DPF3: variants seen among roughly 807,000 people sequenced by gnomAD.
The protein encoded by DPF3 is zinc finger protein DPF3.
DPF3 carries 18 observed loss-of-function variants against 56.8 expected under a neutral mutation model. The observed-to-expected ratio is 0.32, with a 90% confidence interval of 0.22 to 0.47. The LOEUF (loss-of-function observed/expected upper bound fraction) is 0.47. Ranked by LOEUF, DPF3 falls within the 20% of genes least tolerant of loss-of-function variation. DPF3 has a pLI of 1.00. For missense variants in DPF3, 403 were observed against 488.8 expected (o/e 0.82, Z 1.65); for synonymous variants, 188 against 180.2 (o/e 1.04, Z -0.35).
intron 8 of DPF3, 31 bp from the exon 9 acceptor site, chr14:72,629,767 G>T: frequency 2.0e-6 from 3 of 1,491,180 alleles, no homozygotes; most frequent in Non-Finnish European, 2.7e-6. Flanking sequence ...CAGCATTAGG[G>T]CCAAAGTATG....
intron 1 of DPF3, among the ~76,000 whole-genome samples, chr14:72,820,163 A>G (rs1883469651): frequency 6.6e-6 from 1 of 152,358 alleles, no homozygotes; most frequent in East Asian, 1.9e-4. Context: ...AAATTATACC[A>G]TAGTTTTAAA....
chr14:72,800,613 C>T lies in DPF3; in HGVS notation c.33-28720G>A, dbSNP rs148289412. On this transcript the variant is annotated intron_variant, in intron 1 of 10. Coordinates refer to ENST00000556509, the MANE Select transcript of DPF3 (RefSeq NM_001280542.3). ...GGATGTGTGCATGAATGAATGCATG[C>T]ATGCACAGATGGATGCATGGATGCA... is the stretch of plus-strand genomic sequence containing the variant. Among the ~76,000 whole-genome samples, 519 of 148,342 alleles carry T rather than the reference C, an allele frequency of 3.5e-3. 7 individuals carry two copies. Among genetic ancestry groups the T allele is most frequent in the African/African-American group, 0.012 (477 of 39,876 alleles).
intron 4 of DPF3, among the ~76,000 whole-genome samples, chr14:72,724,599 G>C (rs1167300971): frequency 6.6e-6 from 1 of 152,082 alleles, no homozygotes; most frequent in Non-Finnish European, 1.5e-5. Flanking sequence ...GCTTAAGGGA[G>C]GGATAAAAGA....
chr14:72,861,737 G>GAAAGAGAAAGAA (rs1555513992), intron 1 of DPF3, among the ~76,000 whole-genome samples: 4 of 84,608 alleles, frequency 4.7e-5, no homozygotes, highest in East Asian at 3.4e-4. Flanking sequence ...AAGAAAGAAA[G>GAAAGAGAAAGAA]AGAAAGAAAG....
chr14:72,720,070 G>T (rs1264932466), intron 5 of DPF3, among the ~76,000 whole-genome samples: 1 of 151,818 alleles, frequency 6.6e-6, no homozygotes, highest in Non-Finnish European at 1.5e-5. Context: ...GCTCCCAGAT[G>T]ATATTAATGC....
intron 8 of DPF3, among the ~76,000 whole-genome samples, chr14:72,673,026 T>C (rs2153570608): frequency 6.6e-6 from 1 of 152,258 alleles, no homozygotes; most frequent in East Asian, 1.9e-4. Context: ...GGAAAGTAAA[T>C]GAACTGACAG....
At chr14:72,851,600 T>C (rs1395590443) in intron 1 of DPF3, among the ~76,000 whole-genome samples, 1 of 152,174 alleles carries the variant, frequency 6.6e-6, no homozygotes, top group Non-Finnish European at 1.5e-5. Flanking sequence ...TTATAACTAC[T>C]CTTGCTCCTA....
At chr14:72,873,115 T>C (rs1216593540) in intron 1 of DPF3, among the ~76,000 whole-genome samples, 1 of 152,028 alleles carries the variant, frequency 6.6e-6, no homozygotes, top group African/African-American at 2.4e-5. Flanking sequence ...CAAAAGAAAC[T>C]ACCATCAGAG....
intron 4 of DPF3, among the ~76,000 whole-genome samples, chr14:72,725,039 T>C (rs1309672654): frequency 6.6e-6 from 1 of 152,076 alleles, no homozygotes; most frequent in East Asian, 1.9e-4. Flanking sequence ...CTTTATGGGC[T>C]CACTGTGTGA....
rs1883744780 is a variant in DPF3, at chr14:72,611,809, A to AG, written c.*7487dup. Among the ~76,000 whole-genome samples the AG allele has an allele frequency of 6.6e-6, 1 of 152,124 alleles. No homozygotes were observed. The highest frequency in any genetic ancestry group is 1.5e-5 in the Non-Finnish European group (1 of 68,018). On this transcript the variant is annotated 3_prime_UTR_variant, in exon 11 of 11. Coordinates refer to ENST00000556509, the MANE Select transcript of DPF3 (RefSeq NM_001280542.3). ...CTTCCCCCGACCCCTCAGCCTCCAC[A>AG]GGGTAGAAATCACTGGATGCCTCCA... is the stretch of plus-strand genomic sequence containing the variant.
chr14:72,685,868 C>T (rs1011739399), intron 7 of DPF3, among the ~76,000 whole-genome samples: 13 of 152,212 alleles, frequency 8.5e-5, no homozygotes, highest in African/African-American at 9.6e-5. Flanking sequence ...CCAAGAGACA[C>T]GTGGAGCCCC....
At chr14:72,749,643 C>A (rs1365707651) in intron 3 of DPF3, among the ~76,000 whole-genome samples, 1 of 152,142 alleles carries the variant, frequency 6.6e-6, no homozygotes, top group African/African-American at 2.4e-5. Flanking sequence ...GTGGGAAGGA[C>A]CCGGTGGGAG....
chr14:72,870,724 C>T (rs1885865589), intron 1 of DPF3, among the ~76,000 whole-genome samples: 1 of 152,156 alleles, frequency 6.6e-6, no homozygotes, highest in African/African-American at 2.4e-5. Context: ...AAAATATTGG[C>T]TAGTGTGTCT....
At chr14:72,674,795 T>C (rs560102073) in intron 7 of DPF3, among the ~76,000 whole-genome samples, 3 of 152,324 alleles carry the variant, frequency 2.0e-5, no homozygotes, top group Non-Finnish European at 2.9e-5. Context: ...GACCTTGCCA[T>C]TGGGAACAGT....
chr14:72,778,577 T>G (rs1031343298), intron 1 of DPF3, among the ~76,000 whole-genome samples: 2 of 152,192 alleles, frequency 1.3e-5, no homozygotes, highest in African/African-American at 4.8e-5. Context: ...GTAATGCACT[T>G]GAATCATCCC....
chr14:72,611,338 G>T lies in DPF3; in HGVS notation c.*7959C>A, dbSNP rs914190617. 1.3e-5 allele frequency among the ~76,000 whole-genome samples: 2 copies of T among 152,248 alleles called. No individual in the cohort carries two copies. Among genetic ancestry groups the T allele is most frequent in the Admixed American group, 6.5e-5 (1 of 15,288 alleles). On this transcript the variant is annotated 3_prime_UTR_variant, in exon 11 of 11. Transcript: ENST00000556509. ...CACAAACAACTGAGAGTCTAAGCCA[G>T]CACGAAGCTAGGATCTGACAAGCAC... is the stretch of plus-strand genomic sequence containing the variant.
chr14:72,836,370 G>A, intron 1 of DPF3: 2 of 985,518 alleles, frequency 2.0e-6, no homozygotes, highest in Non-Finnish European at 2.4e-6. Context: ...GCACTCCAGA[G>A]AAACTGTCAG....
chr14:72,632,690 A>G (rs78485589), intron 8 of DPF3, among the ~76,000 whole-genome samples: 82,615 of 132,526 alleles, frequency 0.62, 26,497 homozygotes, highest in East Asian at 0.98. Context: ...AGAAGGGAAG[A>G]GATGAAAGGG....
chr14:72,767,760 CAAA>C (rs372452441), intron 2 of DPF3, among the ~76,000 whole-genome samples: 3 of 72,518 alleles, frequency 4.1e-5, no homozygotes, highest in Non-Finnish European at 7.8e-5. Context: ...CCAAATTTGG[CAAA>C]AAAAAAAAAA....
Sources: allele counts gnomAD v4.1 joint callset (sites outside exome capture counted in the v4.1 genomes callset), GRCh38; gene constraint gnomAD v4.1.1; transcripts MANE v1.5; gene names NCBI Gene and HGNC (gene_info 2026-07-23, HGNC 2026-07-21).